Variants in NUP58 observed in about 807,000 individuals in gnomAD.
NUP58 encodes the protein nucleoporin p58/p45.
A neutral mutation model predicts 70.1 loss-of-function variants in NUP58; 17 were observed. The observed-to-expected ratio is 0.24, with a 90% CI of 0.17 to 0.36. The LOEUF is 0.36. NUP58 is among the 10% of genes least tolerant of loss of function. The pLI is 1.00. For missense variants in NUP58, 644 were observed against 701.5 expected, an observed-to-expected ratio of 0.92 and a Z score of 0.93; for synonymous variants, 275 against 257.6, an observed-to-expected ratio of 1.07 and a Z score of -0.65.
intron 13 of NUP58, chr13:25,333,165 T>C: frequency 1.0e-6 from 1 of 985,174 alleles, no homozygotes; most frequent in Non-Finnish European, 1.2e-6. Flanking sequence ...CTATAGATTA[T>C]TATTTTGAGA....
At chr13:25,319,378 AT>A in intron 7 of NUP58, 28 bp downstream of exon 7, 2 of 1,581,084 alleles carry the variant, frequency 1.3e-6, no homozygotes, top group Non-Finnish European at 8.7e-7. Context: ...CCCTTAAGGC[AT>A]TTTAATTGAA....
chr13:25,305,307 C>T (rs2030292714), intron 1 of NUP58, among the ~76,000 whole-genome samples: 2 of 151,818 alleles, frequency 1.3e-5, no homozygotes, highest in South Asian at 4.2e-4. Context: ...ATTGGCACGC[C>T]TGGCTAATTT....
intron 7 of NUP58, 150 bp downstream of exon 7, chr13:25,319,500 A>C (rs933063707): frequency 3.1e-6 from 2 of 644,548 alleles, no homozygotes; most frequent in Non-Finnish European, 5.5e-6. Context: ...AAAATAATAG[A>C]CGTATGTTCT....
At chr13:25,305,578 T>C (rs188436824) in intron 1 of NUP58, among the ~76,000 whole-genome samples, 1 of 152,260 alleles carries the variant, frequency 6.6e-6, no homozygotes, top group Admixed American at 6.5e-5. Context: ...TCAGTACTTC[T>C]CCTTTTACCT....
At chr13:25,303,345 G>T (rs916391587) in intron 1 of NUP58, among the ~76,000 whole-genome samples, 1 of 151,836 alleles carries the variant, frequency 6.6e-6, no homozygotes, top group African/African-American at 2.4e-5. Flanking sequence ...CAGACCCACT[G>T]TTAAAAACAA....
At chr13:25,305,914 G>T (rs1243946236) in intron 1 of NUP58, among the ~76,000 whole-genome samples, 8 of 152,088 alleles carry the variant, frequency 5.3e-5, no homozygotes, top group Admixed American at 3.9e-4. Context: ...TTGGAGTACA[G>T]TTATTTGTGT....
At chr13:25,335,921 A>G (rs2031763878) in intron 13 of NUP58, 1 of 1,095,906 alleles carries the variant, frequency 9.1e-7, no homozygotes, top group Non-Finnish European at 1.1e-6. Context: ...AATAATTTTC[A>G]TAAATTATTT....
chr13:25,325,142 T>TAA, intron 10 of NUP58, 74 bp downstream of exon 10: 1 of 1,037,918 alleles, frequency 9.6e-7, no homozygotes, highest in Non-Finnish European at 1.4e-6. Context: ...GTATACAAAC[T>TAA]AAATATTTTT....
At chr13:25,338,174 A>C (rs2031849685) in intron 14 of NUP58, among the ~76,000 whole-genome samples, 1 of 152,144 alleles carries the variant, frequency 6.6e-6, no homozygotes, top group African/African-American at 2.4e-5. Flanking sequence ...TCAGATTCTT[A>C]ATTAAAAATG....
At position 25,327,026 on chromosome 13, in the gene NUP58, C is replaced by T; in HGVS notation, c.1142C>T (p.Thr381Ile). 1 of 1,574,822 alleles carries T rather than the reference C, an allele frequency of 6.3e-7. No homozygotes were observed. The highest frequency in any genetic ancestry group is 8.7e-7 in the Non-Finnish European group (1 of 1,148,572). Residue 381 changes from threonine (T) to isoleucine (I), a missense_variant, in exon 11 of 16, where the codon ACC (threonine) becomes ATC (isoleucine). Around this residue, in one of 4 missense-constraint regions of NUP58, gnomAD observed 78 missense variants for 71.3 expected, o/e 1.09. Transcript: ENST00000381736. ...ACTCAAGCAAATAATTCACATATAA[C>T]CCCTCAAGGTAACATGCTTACTGTG... The part of the protein sequence containing the change: ...LATQANNSHI[T>I]PQDLSMAMQK...
At chr13:25,333,503 A>G in intron 13 of NUP58, 1 of 985,334 alleles carries the variant, frequency 1.0e-6, no homozygotes, top group Non-Finnish European at 1.2e-6. Context: ...AACCTAAACA[A>G]CCTTACAGTG....
chr13:25,307,775 T>C (rs757236834), intron 1 of NUP58, 31 bp from the exon 2 acceptor site: 1 of 1,611,672 alleles, frequency 6.2e-7, no homozygotes, highest in South Asian at 1.1e-5. Context: ...GTGCATGTGA[T>C]TTTTGTTTTG....
intron 5 of NUP58, 49 bp downstream of exon 5, chr13:25,313,800 T>C: frequency 7.2e-7 from 1 of 1,387,806 alleles, no homozygotes; most frequent in Non-Finnish European, 9.5e-7. Flanking sequence ...TATATTTAAA[T>C]GTACTTATTT....
In NUP58 at chr13:25,339,944, A is replaced by AT. The variant is rs556320176; in HGVS notation, c.1631-14dup. On this transcript the variant is annotated intron_variant, in intron 15 of 15. Transcript: ENST00000381736. ...TTGGAATTCAACTTCTGATATGAAT[A>AT]TTTTTTTCCCTAAACATAAGGCTTT... 243 of 1,542,728 alleles carry AT rather than the reference A, an allele frequency of 1.6e-4. No individual in the cohort carries two copies. In the African/African-American group the frequency reaches 3.3e-3, roughly 21 times the overall value.
chr13:25,315,341 T>C lies in NUP58; in HGVS notation c.575-16T>C. The C allele has an allele frequency of 6.4e-7, 1 of 1,568,088 alleles. No individual in the cohort carries two copies. Among genetic ancestry groups the C allele is most frequent in the Non-Finnish European group, 8.8e-7 (1 of 1,141,758 alleles). On this transcript the variant is annotated splice_polypyrimidine_tract_variant and intron_variant, in intron 5 of 15. Transcript: ENST00000381736. ...TAGTCTTTTGATGGAATTTATAAGT[T>C]ATGTTTTATTTATAGGACTTGGACA...
intron 1 of NUP58, among the ~76,000 whole-genome samples, chr13:25,306,127 C>T (rs1027192595): frequency 2.6e-5 from 4 of 151,962 alleles, no homozygotes; most frequent in East Asian, 1.9e-4. Context: ...TTCTGCTGGC[C>T]GGGTGCGGTG....
intron 4 of NUP58, 66 bp downstream of exon 4, chr13:25,313,098 T>C: frequency 3.3e-6 from 5 of 1,519,352 alleles, no homozygotes; most frequent in Non-Finnish European, 4.5e-6. Flanking sequence ...TTAGAGAACA[T>C]AGATAGTCAC....
chr13:25,343,293 TTC>T (rs1183670221), downstream of NUP58, among the ~76,000 whole-genome samples: 1 of 151,626 alleles, frequency 6.6e-6, no homozygotes, highest in African/African-American at 2.4e-5. Flanking sequence ...CCTGAGTTTC[TTC>T]TCTTTTTTTA....
At chr13:25,345,118 G>C (rs530985584), downstream of NUP58, among the ~76,000 whole-genome samples, 14 of 152,220 alleles carry the variant, frequency 9.2e-5, no homozygotes, top group Admixed American at 2.6e-4. Flanking sequence ...TTATATACTT[G>C]ACCATGTTTA....
Sources: gnomAD v4.1 joint callset for allele counts (sites outside exome capture counted in the v4.1 genomes callset) on GRCh38, gnomAD v4.1.1 for gene constraint, gnomAD v4.1.1 regional missense constraint, MANE v1.5 for transcripts, NCBI Gene and HGNC (gene_info 2026-07-23, HGNC 2026-07-21) for gene names.